SLC26A8: variants seen among roughly 807,000 people sequenced by gnomAD.
SLC26A8 encodes the protein solute carrier family 26 member 8.
In SLC26A8, 70 loss-of-function variants were observed where a neutral mutation model predicts 105.0. The ratio of observed to expected loss-of-function variants is 0.67; its 90% CI spans 0.55 to 0.81. The LOEUF (loss-of-function observed/expected upper bound fraction) is 0.81. SLC26A8 is among the 40% of genes least tolerant of loss of function. The pLI is 0.00. For missense variants in SLC26A8, 998 were observed against 1,181.8 expected (o/e 0.84, Z 2.28); for synonymous variants, 415 against 438.3 (o/e 0.95, Z 0.66).
intron 8 of SLC26A8, among the ~76,000 whole-genome samples, chr6:35,980,339 A>C (rs924125042): frequency 2.0e-5 from 3 of 152,222 alleles, no homozygotes; most frequent in African/African-American, 7.2e-5. Context: ...AGTGGTTATA[A>C]TTATAGACTT....
Position 35,997,745 on chromosome 6 carries a change from A to C in SLC26A8, c.620T>G (p.Ile207Ser). 6.2e-7 allele frequency: 1 copy of C among 1,614,044 alleles called. No homozygotes were observed. Among genetic ancestry groups the C allele is most frequent in the Non-Finnish European group, 8.5e-7 (1 of 1,179,976 alleles). Residue 207 changes from isoleucine (I) to serine (S), a missense_variant, in exon 5 of 20, where the codon ATT becomes AGT. Transcript: ENST00000490799. ...TGAAGACTCAGATCCTACCTGAATA[A>C]TCCCAGTCAGAAAAGTTGTGGTTGC... ...VVATTTFLTG[I>S]IQLIMGVLGL...
chr6:35,966,361 T>C (rs780890875), intron 11 of SLC26A8, among the ~76,000 whole-genome samples: 3 of 152,196 alleles, frequency 2.0e-5, no homozygotes, highest in Admixed American at 6.5e-5. Flanking sequence ...TCATAGGGTT[T>C]TTGAAAGGTT....
chr6:35,964,528 T>A (rs1235598701), intron 11 of SLC26A8, among the ~76,000 whole-genome samples: 1 of 152,054 alleles, frequency 6.6e-6, no homozygotes, highest in East Asian at 1.9e-4. Flanking sequence ...ATGCCTGTAA[T>A]CTCAGCCACT....
Position 35,968,914 on chromosome 6 carries a change from A to G in SLC26A8, c.1328T>C (p.Met443Thr). The change falls in exon 11 of 20, where the codon ATG becomes ACG. Residue 443 changes from methionine to threonine, a missense_variant. Coordinates refer to ENST00000490799, the MANE Select transcript of SLC26A8 (RefSeq NM_052961.4). Reference sequence around the variant, plus strand: ...GTAGAAAAAGTGTCCCATCTTCACCATCAGGAGCAGCATCACACCTGCGCC... The same window carrying G: ...GTAGAAAAAGTGTCCCATCTTCACCGTCAGGAGCAGCATCACACCTGCGCC... ...LVGAGVMLLL[M>T]VKMGHFFYTL... The G allele has an allele frequency of 6.2e-7, 1 of 1,611,696 alleles. No individual in the cohort carries two copies.
intron 11 of SLC26A8, among the ~76,000 whole-genome samples, chr6:35,968,609 G>GTGTGTATA (rs1168496588): frequency 3.3e-5 from 2 of 60,084 alleles, no homozygotes; most frequent in African/African-American, 1.0e-4. Context: ...GTGTGTGTGT[G>GTGTGTATA]TATATATATA....
At position 35,959,350 on chromosome 6, in the gene SLC26A8, A is replaced by C. The variant is rs181893029; in HGVS notation, c.1863+110T>G. ...TTAATTTCTGAATTCTTCATGGTCC[A>C]TCTAAAAGTCAAAATCCCTTAGAGG... On this transcript the variant is annotated intron_variant, in intron 16 of 19. Coordinates refer to ENST00000490799, the MANE Select transcript of SLC26A8 (RefSeq NM_052961.4). 9 of 1,237,338 alleles carry C rather than the reference A, an allele frequency of 7.3e-6. No homozygotes were observed. The Admixed American group carries it at 2.2e-4, about 30-fold the overall frequency. The allele number at this position is 1,237,338 out of a possible 1,614,324, so 76.6% of individuals were successfully genotyped here.
intron 11 of SLC26A8, among the ~76,000 whole-genome samples, chr6:35,963,834 T>G (rs1177980466): frequency 6.6e-6 from 1 of 152,206 alleles, no homozygotes; most frequent in Non-Finnish European, 1.5e-5. Flanking sequence ...CAACTGGGCT[T>G]TTCTTCATGT....
In SLC26A8 at chr6:35,962,556, G is replaced by C; in HGVS notation, c.1431C>G (p.Pro477=). ...CATATTGGTCCTGCCTCCACAGGCT[G>C]GGTAGGTTAGAAATGGTTTCAAGGT... ...IPYLETISNL[P]SLWRQDQYDC... The change falls in exon 12 of 20, where the codon CCC becomes CCG. Residue 477 remains proline (P), a synonymous_variant. Coordinates refer to ENST00000490799, the MANE Select transcript of SLC26A8 (RefSeq NM_052961.4). 6.2e-7 allele frequency: 1 copy of C among 1,614,102 alleles called. No individual in the cohort carries two copies. The highest frequency in any genetic ancestry group is 8.5e-7 in the Non-Finnish European group (1 of 1,180,010).
chr6:36,000,959 C>A (rs773162013), intron 3 of SLC26A8, among the ~76,000 whole-genome samples: 21 of 152,090 alleles, frequency 1.4e-4, no homozygotes, highest in Non-Finnish European at 2.9e-4. Context: ...CCAAGGCATT[C>A]GATTATTTAA....
At chr6:36,006,152 C>G (rs1258475153) in intron 3 of SLC26A8, among the ~76,000 whole-genome samples, 1 of 152,002 alleles carries the variant, frequency 6.6e-6, no homozygotes, top group Non-Finnish European at 1.5e-5. Context: ...TGGAGTCTCG[C>G]TCTGTTACCC....
intron 16 of SLC26A8, among the ~76,000 whole-genome samples, chr6:35,956,460 C>T (rs1217979010): frequency 1.3e-5 from 2 of 149,432 alleles, no homozygotes; most frequent in African/African-American, 4.9e-5. Context: ...ATTACATGAG[C>T]AAGGCTGTCT....
At chr6:35,965,647 A>T (rs557649941) in intron 11 of SLC26A8, among the ~76,000 whole-genome samples, 1 of 146,192 alleles carries the variant, frequency 6.8e-6, no homozygotes, top group South Asian at 2.2e-4. Flanking sequence ...GCGCCATTGC[A>T]CTCCAGCCTG....
At chr6:35,971,523 G>T (rs558139087) in intron 10 of SLC26A8, among the ~76,000 whole-genome samples, 2 of 152,336 alleles carry the variant, frequency 1.3e-5, no homozygotes, top group Admixed American at 6.5e-5. Context: ...AGGCACTTGG[G>T]TCTTGGGGTA....
intron 16 of SLC26A8, among the ~76,000 whole-genome samples, chr6:35,957,826 G>A (rs1254770508): frequency 6.6e-6 from 1 of 151,800 alleles, no homozygotes; most frequent in African/African-American, 2.4e-5. Flanking sequence ...GGCTAGTTTC[G>A]AACTCCTGAC....
chr6:35,962,422 T>C, intron 12 of SLC26A8, 104 bp downstream of exon 12: 1 of 922,646 alleles, frequency 1.1e-6, no homozygotes, highest in Non-Finnish European at 1.7e-6. Context: ...CAAAGAGTTG[T>C]TTGTGTTCTT....
rs569878762 is a variant in SLC26A8, at chr6:36,024,507, G to A, written c.-6C>T. The A allele has an allele frequency of 2.6e-4, 117 of 444,376 alleles. No individual in the cohort carries two copies. Among genetic ancestry groups the A allele is most frequent in the African/African-American group, 2.1e-3 (103 of 48,818 alleles). 27.5% of individuals were successfully genotyped at this position (444,376 alleles called of 1,614,324 possible). ...GCGTCTCCCAGCAGCGGCTCACCTGGCTCCTTGGCGGGGGCGGGAGTGCGG... is the reference window on the plus strand; with the variant it reads ...GCGTCTCCCAGCAGCGGCTCACCTGACTCCTTGGCGGGGGCGGGAGTGCGG... On this transcript the variant is annotated 5_prime_UTR_variant, in exon 1 of 20. Transcript: ENST00000490799.
chr6:35,960,073 T>C (rs1196335782), intron 14 of SLC26A8: 11 of 299,350 alleles, frequency 3.7e-5, no homozygotes, highest in Non-Finnish European at 6.2e-5. Context: ...CACGCCCTGC[T>C]AATTTTTGTA....
chr6:35,964,237 C>T (rs149328915), intron 11 of SLC26A8, among the ~76,000 whole-genome samples: 2 of 152,220 alleles, frequency 1.3e-5, no homozygotes, highest in African/African-American at 4.8e-5. Flanking sequence ...ATTGATATTA[C>T]CCTTTATACA....
At chr6:35,944,546 ATAAT>A (rs894485876) in intron 19 of SLC26A8, among the ~76,000 whole-genome samples, 5 of 148,064 alleles carry the variant, frequency 3.4e-5, no homozygotes, top group African/African-American at 1.2e-4. Context: ...TATAATAATA[ATAAT>A]TATTATTATT....
Sources: allele counts gnomAD v4.1 joint callset (sites outside exome capture counted in the v4.1 genomes callset), GRCh38; gene constraint gnomAD v4.1.1; transcripts MANE v1.5; gene names NCBI Gene and HGNC (gene_info 2026-07-23, HGNC 2026-07-21).